WWP1: variants seen among roughly 807,000 people sequenced by gnomAD.
WWP1 encodes the protein WW domain containing E3 ubiquitin protein ligase 1.
WWP1 carries 49 observed loss-of-function variants against 130.6 expected under a neutral mutation model. The ratio of observed to expected loss-of-function variants is 0.38; its 90% CI spans 0.30 to 0.48. The LOEUF (loss-of-function observed/expected upper bound fraction) is 0.48, where lower values mean the gene tolerates loss of function less well. Ranked by LOEUF, WWP1 falls within the 20% of genes least tolerant of loss-of-function variation. The probability of loss-of-function intolerance (pLI) is 0.99; values close to 1 mark genes in which losing one functional copy is unlikely to be tolerated. For synonymous variants in WWP1, 332 were observed against 367.8 expected (o/e 0.90, Z 1.11); for missense variants, 809 against 1,100.6 (o/e 0.74, Z 3.75).
intron 3 of WWP1, among the ~76,000 whole-genome samples, chr8:86,380,201 A>G (rs761540893): frequency 6.6e-6 from 1 of 152,162 alleles, no homozygotes; most frequent in East Asian, 1.9e-4. Context: ...GCATGTTACA[A>G]TATGGATGAA....
intron 8 of WWP1, 40 bp from the exon 9 acceptor site, chr8:86,411,498 C>A: frequency 6.5e-7 from 1 of 1,549,766 alleles, no homozygotes; most frequent in South Asian, 1.2e-5. Context: ...ATTGCTTTAT[C>A]ATTACTTGAT....
In WWP1 at chr8:86,431,633, C is replaced by G. The variant is rs763407177; in HGVS notation, c.1491C>G (p.Pro497=). The stretch of plus-strand genomic sequence containing the variant: ...CTTTTAGCTTACAGAATGAAGAACC[C>G]CTGCCAGAAGGCTGGGAAATTAGAT... ...PRTQGLQNEE[P]LPEGWEIRYT... The change falls in exon 14 of 25, where the codon CCC becomes CCG. Residue 497 remains proline (P), a synonymous_variant. Coordinates refer to ENST00000517970, the MANE Select transcript of WWP1 (RefSeq NM_007013.4). The G allele has an allele frequency of 3.7e-6, 6 of 1,613,632 alleles. No individual in the cohort carries two copies. The highest frequency in any genetic ancestry group is 5.1e-6 in the Non-Finnish European group (6 of 1,179,818).
intron 9 of WWP1, among the ~76,000 whole-genome samples, chr8:86,413,823 A>G (rs1808720377): frequency 6.6e-6 from 1 of 152,266 alleles, no homozygotes; most frequent in African/African-American, 2.4e-5. Context: ...AATAAGCATT[A>G]AAGAATGTAA....
At chr8:86,366,700 A>G (rs1222555478) in intron 1 of WWP1, among the ~76,000 whole-genome samples, 1 of 152,306 alleles carries the variant, frequency 6.6e-6, no homozygotes, top group East Asian at 1.9e-4. Flanking sequence ...AGTTAGAGCC[A>G]TTACACTGTT....
At chr8:86,412,193 G>C (rs1014296488) in intron 9 of WWP1, among the ~76,000 whole-genome samples, 2 of 152,146 alleles carry the variant, frequency 1.3e-5, no homozygotes, top group Non-Finnish European at 2.9e-5. Context: ...AATATCCTCA[G>C]TTCTCTGGCA....
At chr8:86,437,250 A>G (rs965426986) in intron 16 of WWP1, among the ~76,000 whole-genome samples, 2 of 152,226 alleles carry the variant, frequency 1.3e-5, no homozygotes, top group African/African-American at 4.8e-5. Flanking sequence ...CCTACTTACT[A>G]GTAACCTTGA....
Position 86,345,488 on chromosome 8 carries a change from C to T in WWP1, c.-115+2558C>T, listed in dbSNP as rs1398099329. ...GCAGTGGCGCCTTCTGGGCTCATTG[C>T]AACCTCCGCCTCCCAGGCTCAAGAG... On this transcript the variant is annotated intron_variant, in intron 1 of 24. Transcript: ENST00000517970. 3.9e-5 allele frequency among the ~76,000 whole-genome samples: 6 copies of T among 152,264 alleles called. No individual in the cohort carries two copies. The East Asian group carries it at 5.8e-4, about 15-fold the overall frequency.
intron 1 of WWP1, among the ~76,000 whole-genome samples, chr8:86,354,866 TTAAC>T (rs1250277968): frequency 6.6e-6 from 1 of 152,054 alleles, no homozygotes; most frequent in Non-Finnish European, 1.5e-5. Flanking sequence ...GGTTAGGAAA[TTAAC>T]TATTATTGGG....
intron 24 of WWP1, among the ~76,000 whole-genome samples, chr8:86,463,949 T>C (rs1415697284): frequency 6.6e-6 from 1 of 151,786 alleles, no homozygotes; most frequent in Non-Finnish European, 1.5e-5. Flanking sequence ...TAGTCCCAGC[T>C]ACTCTGGAGG....
Position 86,438,670 on chromosome 8 carries a change from C to G in WWP1, c.1835C>G (p.Ala612Gly). The G allele has an allele frequency of 6.3e-7, 1 of 1,599,322 alleles. No homozygotes were observed. The highest frequency in any genetic ancestry group is 8.5e-7 in the Non-Finnish European group (1 of 1,175,558). Residue 612 changes from alanine (A) to glycine (G), a missense_variant, in exon 17 of 25, where the codon GCG becomes GGG. Coordinates refer to ENST00000517970, the MANE Select transcript of WWP1 (RefSeq NM_007013.4). ...GAAGGACTTGATTATGGTGGCCTAG[C>G]GAGGTAAAATAAAAAACACATATCT... ...GEEGLDYGGL[A>G]REWFFLLSHE...
At chr8:86,366,000 C>T (rs573843938) in intron 1 of WWP1, among the ~76,000 whole-genome samples, 1 of 152,274 alleles carries the variant, frequency 6.6e-6, no homozygotes, top group African/African-American at 2.4e-5. Flanking sequence ...TTGTACTTAG[C>T]CTGTTTTCTT....
At chr8:86,374,766 G>A (rs541929402) in intron 3 of WWP1, among the ~76,000 whole-genome samples, 3 of 151,488 alleles carry the variant, frequency 2.0e-5, no homozygotes, top group Non-Finnish European at 4.4e-5. Context: ...CTGGAGTACG[G>A]TGGCGCAAAC....
intron 5 of WWP1, among the ~76,000 whole-genome samples, chr8:86,393,307 A>C (rs1316279023): frequency 6.6e-6 from 1 of 152,040 alleles, no homozygotes; most frequent in Non-Finnish European, 1.5e-5. Context: ...CCCGGGTTGA[A>C]GCGATTCTCC....
At chr8:86,405,016 A>G (rs1808196074) in intron 8 of WWP1, 1 of 152,184 alleles carries the variant, frequency 6.6e-6, no homozygotes, top group Non-Finnish European at 1.5e-5. Context: ...TCATCATTCT[A>G]TTGGCCGGTT....
At chr8:86,402,478 C>CA (rs1353249593) in intron 8 of WWP1, among the ~76,000 whole-genome samples, 2 of 152,152 alleles carry the variant, frequency 1.3e-5, no homozygotes, top group Non-Finnish European at 2.9e-5. Context: ...TTAATAGAGA[C>CA]AGAGTTTCAC....
At chr8:86,351,385 C>G (rs1237787912) in intron 1 of WWP1, among the ~76,000 whole-genome samples, 1 of 152,100 alleles carries the variant, frequency 6.6e-6, no homozygotes, top group Non-Finnish European at 1.5e-5. Flanking sequence ...GTCTCCCAGG[C>G]TAGAGAGCAA....
intron 24 of WWP1, among the ~76,000 whole-genome samples, chr8:86,464,238 A>G (rs1183834988): frequency 1.3e-5 from 2 of 152,176 alleles, no homozygotes; most frequent in Admixed American, 1.3e-4. Flanking sequence ...CTCCATTTCT[A>G]ACTATTTATC....
At chr8:86,459,533 T>G (rs1811647517) in intron 22 of WWP1, among the ~76,000 whole-genome samples, 1 of 152,102 alleles carries the variant, frequency 6.6e-6, no homozygotes, top group Admixed American at 6.5e-5. Flanking sequence ...CTGGAAACAG[T>G]TCTATAGAGG....
intron 5 of WWP1, among the ~76,000 whole-genome samples, chr8:86,389,608 C>A (rs1204246329): frequency 6.6e-6 from 1 of 152,210 alleles, no homozygotes; most frequent in Non-Finnish European, 1.5e-5. Context: ...CCCACATTTC[C>A]CCCTTTTCTA....
Sources: gnomAD v4.1 joint callset for allele counts (sites outside exome capture counted in the v4.1 genomes callset) on GRCh38, gnomAD v4.1.1 for gene constraint, MANE v1.5 for transcripts, NCBI Gene and HGNC (gene_info 2026-07-23, HGNC 2026-07-21) for gene names.